PRR11: variants seen among roughly 807,000 people sequenced by gnomAD.
PRR11 encodes proline rich 11.
Under a neutral mutation model 45.6 loss-of-function variants are expected in PRR11, and 30 were observed. The observed-to-expected ratio is 0.66, with a 90% CI of 0.49 to 0.89. The LOEUF is 0.89. Among genes scored for constraint, PRR11 ranks in the 40% least tolerant of loss-of-function variants. The pLI is 0.00. For missense variants in PRR11, 373 were observed against 424.8 expected (o/e 0.88, Z 1.07); for synonymous variants, 128 against 153.5 (o/e 0.83, Z 1.23).
In PRR11 at chr17:59,185,358, CAT is replaced by C. The variant is rs1568324439; in HGVS notation, c.280-81_280-80del. 1.1e-4 allele frequency: 165 copies of C among 1,535,326 alleles called. 1 individual carries two copies. The highest frequency in any genetic ancestry group is 1.1e-3 in the Middle Eastern group (6 of 5,666). ...CTGCCTTTGCTTCTATAAAAACATA[CAT>C]CAAGTCACTTTCTGGTTCCTGTTTT... On this transcript the variant is annotated intron_variant, in intron 3 of 9. Transcript: ENST00000262293.
At chr17:59,170,174 C>T (rs1250898239) in intron 2 of PRR11, among the ~76,000 whole-genome samples, 1 of 151,716 alleles carries the variant, frequency 6.6e-6, no homozygotes, top group African/African-American at 2.4e-5. Context: ...ATTGCTTGAA[C>T]CAGAGAGGCA....
intron 3 of PRR11, 103 bp from the exon 4 acceptor site, chr17:59,185,337 C>A: frequency 6.6e-7 from 1 of 1,521,542 alleles, no homozygotes; most frequent in East Asian, 2.3e-5. Context: ...TCAAGTCTGC[C>A]TTTGCTTCTA....
rs140410241 is a variant in PRR11 at position 59,197,592 on chromosome 17, C to T, written c.906C>T (p.Val302=). Residue 302 remains valine, a synonymous_variant, in exon 8 of 10, where the codon GTC becomes GTT. Transcript: ENST00000262293. ...ATCTGCGGAAACTGCTTAGAAAAGT[C>T]GATGTAGAGAGGTAATACACTCTCA... is the stretch of plus-strand genomic sequence containing the variant. ...QMDLRKLLRK[V]DVERSPGGTP... is the part of the protein sequence containing the mutation. The T allele has an allele frequency of 7.5e-4, 1,205 of 1,613,674 alleles. 3 individuals are homozygous for T. The highest frequency in any genetic ancestry group is 9.1e-4 in the Non-Finnish European group (1,075 of 1,179,634).
At chr17:59,173,340 C>A (rs1037176040) in intron 2 of PRR11, among the ~76,000 whole-genome samples, 1 of 152,146 alleles carries the variant, frequency 6.6e-6, no homozygotes, top group East Asian at 1.9e-4. Context: ...TAGTGGCAAC[C>A]AGTGGGGGCC....
At chr17:59,179,978 G>C in intron 2 of PRR11, 1 of 1,150,696 alleles carries the variant, frequency 8.7e-7, no homozygotes, top group Non-Finnish European at 1.2e-6. Flanking sequence ...CCCCAGCCTC[G>C]CAGACTGCTG....
chr17:59,187,574 G>A (rs2046820066), intron 4 of PRR11, among the ~76,000 whole-genome samples: 1 of 150,178 alleles, frequency 6.7e-6, no homozygotes, highest in African/African-American at 2.5e-5. Flanking sequence ...CATCTCAAGA[G>A]TGAATCAGGG....
intron 2 of PRR11, among the ~76,000 whole-genome samples, chr17:59,179,392 C>T (rs1326309049): frequency 6.6e-6 from 1 of 152,174 alleles, no homozygotes; most frequent in East Asian, 1.9e-4. Context: ...TTAACTCAGC[C>T]TGCCAACATG....
chr17:59,183,228 G>A (rs2004140), intron 2 of PRR11, among the ~76,000 whole-genome samples: 27,878 of 152,034 alleles, frequency 0.18, 2,635 homozygotes, highest in East Asian at 0.27. Flanking sequence ...CAGGGTCTCC[G>A]CATCCATCTG....
chr17:59,160,936 T>A (rs2046648466), intron 1 of PRR11: 1 of 151,274 alleles, frequency 6.6e-6, no homozygotes, highest in Non-Finnish European at 1.5e-5. Context: ...GGACTCTCAC[T>A]GTGTTGCCCA....
chr17:59,194,821 T>G lies in PRR11; in HGVS notation c.710T>G (p.Leu237Ter). ...ITVKDLLTVK[L>*]KKTQSLDEKR... ...GTTAAAGATCTGCTGACTGTAAAAT[T>G]AAAGAAGACACAGAGTTTAGATGAA... Residue 237 changes from leucine (L) to a stop codon, truncating the protein, a stop_gained, in exon 6 of 10, where the codon TTA becomes TGA. Transcript: ENST00000262293. LOFTEE classifies it high-confidence loss of function. 2.5e-6 allele frequency: 4 copies of G among 1,613,740 alleles called. No homozygotes were observed. Among genetic ancestry groups the G allele is most frequent in the Non-Finnish European group, 3.4e-6 (4 of 1,179,770 alleles).
At chr17:59,170,934 TCATGTCCTCCTTTAAAACCCA>T (rs1158478000) in intron 2 of PRR11, among the ~76,000 whole-genome samples, 1 of 152,106 alleles carries the variant, frequency 6.6e-6, no homozygotes, top group Non-Finnish European at 1.5e-5. Flanking sequence ...AACACACAGC[TCATGTCCTCCTTTAAAACCCA>T]CATCCTCTTT....
At chr17:59,196,666 T>G (rs1473757747) in intron 7 of PRR11, among the ~76,000 whole-genome samples, 1 of 150,704 alleles carries the variant, frequency 6.6e-6, no homozygotes, top group Non-Finnish European at 1.5e-5. Flanking sequence ...GGTGAGCCAC[T>G]GCGCCTGACT....
In PRR11 at chr17:59,197,599, G is replaced by A. The variant is rs1377514383; in HGVS notation, c.913G>A (p.Glu305Lys). Residue 305 changes from glutamate (E) to lysine (K), a missense_variant, in exon 8 of 10, where the codon GAG becomes AAG. Glu to Lys is a moderately conservative substitution (Grantham distance 56). Coordinates refer to ENST00000262293, the MANE Select transcript of PRR11 (RefSeq NM_018304.4). ...GAAACTGCTTAGAAAAGTCGATGTA[G>A]AGAGGTAATACACTCTCATATCTTT... ...LRKLLRKVDV[E>K]RSPGGTPLTN... 6.2e-7 allele frequency: 1 copy of A among 1,613,602 alleles called. No homozygotes were observed. Among genetic ancestry groups the A allele is most frequent in the Admixed American group, 1.7e-5 (1 of 60,000 alleles).
intron 1 of PRR11, among the ~76,000 whole-genome samples, chr17:59,165,035 T>C (rs1182889227): frequency 1.3e-5 from 2 of 152,160 alleles, no homozygotes; most frequent in African/African-American, 2.4e-5. Context: ...TTTGTTTTGT[T>C]TTTGAGACAG....
intron 2 of PRR11, among the ~76,000 whole-genome samples, chr17:59,177,438 G>A (rs578194224): frequency 7.2e-5 from 11 of 152,282 alleles, no homozygotes; most frequent in Admixed American, 3.3e-4. Flanking sequence ...ATGCAAATCC[G>A]AGAAGCTGGA....
intron 1 of PRR11, among the ~76,000 whole-genome samples, chr17:59,157,801 C>T (rs142645595): frequency 6.6e-6 from 1 of 152,096 alleles, no homozygotes; most frequent in East Asian, 1.9e-4. Context: ...GGATTATAAG[C>T]ACTCAACTAA....
intron 1 of PRR11, among the ~76,000 whole-genome samples, chr17:59,162,098 C>T (rs1312611102): frequency 6.6e-6 from 1 of 152,066 alleles, no homozygotes; most frequent in African/African-American, 2.4e-5. Context: ...GGAATTATCT[C>T]AGACTGCATC....
At chr17:59,182,731 T>C (rs138129270) in intron 2 of PRR11, among the ~76,000 whole-genome samples, 1 of 152,202 alleles carries the variant, frequency 6.6e-6, no homozygotes, top group Admixed American at 6.5e-5. Context: ...CCACCTCTTC[T>C]TCCTCCAGTC....
chr17:59,183,486 C>T (rs1012593752), intron 2 of PRR11, among the ~76,000 whole-genome samples: 4 of 152,110 alleles, frequency 2.6e-5, no homozygotes, highest in African/African-American at 4.8e-5. Flanking sequence ...GCTTTTCTGC[C>T]GAATGTTTAC....
Sources: gnomAD v4.1 joint callset for allele counts (sites outside exome capture counted in the v4.1 genomes callset) on GRCh38, gnomAD v4.1.1 for gene constraint, MANE v1.5 for transcripts, NCBI Gene and HGNC (gene_info 2026-07-23, HGNC 2026-07-21) for gene names.